ZZZ3: variants seen among roughly 807,000 people sequenced by gnomAD.
ZZZ3 encodes the protein zinc finger ZZ-type containing 3.
ZZZ3 carries 22 observed loss-of-function variants against 95.2 expected under a neutral mutation model. The ratio of observed to expected loss-of-function variants is 0.23; its 90% CI spans 0.17 to 0.33. ZZZ3 has a LOEUF of 0.33. Among genes scored for constraint, ZZZ3 ranks in the 10% least tolerant of loss-of-function variants. ZZZ3 has a pLI of 1.00. For synonymous variants in ZZZ3, 335 were observed against 358.9 expected, an observed-to-expected ratio of 0.93 and a Z score of 0.75; for missense variants, 885 against 1,066.5, an observed-to-expected ratio of 0.83 and a Z score of 2.37.
At chr1:77,641,735 A>G in intron 1 of ZZZ3, 80 bp from the exon 2 acceptor site, 1 of 393,248 alleles carries the variant, frequency 2.5e-6, no homozygotes, top group East Asian at 3.6e-5. Flanking sequence ...TAATATTTCC[A>G]AACACTTATA....
intron 1 of ZZZ3, among the ~76,000 whole-genome samples, chr1:77,642,576 T>C (rs1368260443): frequency 8.2e-6 from 1 of 121,398 alleles, no homozygotes; most frequent in African/African-American, 3.3e-5. Flanking sequence ...AGCCCTCTTC[T>C]CTAAACAAAA....
At chr1:77,637,603 G>A (rs1393461580) in intron 4 of ZZZ3, among the ~76,000 whole-genome samples, 1 of 152,150 alleles carries the variant, frequency 6.6e-6, no homozygotes, top group Non-Finnish European at 1.5e-5. Context: ...TGAGGCAAGA[G>A]GATCACTTGA....
intron 6 of ZZZ3, among the ~76,000 whole-genome samples, chr1:77,583,428 G>A (rs896549267): frequency 1.3e-5 from 2 of 151,700 alleles, no homozygotes; most frequent in Non-Finnish European, 2.9e-5. Flanking sequence ...CACTTAAAGG[G>A]GCCTCATTTT....
intron 5 of ZZZ3, among the ~76,000 whole-genome samples, chr1:77,622,940 G>C (rs866010505): frequency 6.6e-6 from 1 of 152,176 alleles, no homozygotes; most frequent in Non-Finnish European, 1.5e-5. Flanking sequence ...GCTTGGGTTT[G>C]AGTATTATAG....
chr1:77,646,243 A>G (rs1669259791), intron 1 of ZZZ3, among the ~76,000 whole-genome samples: 1 of 151,904 alleles, frequency 6.6e-6, no homozygotes, highest in Admixed American at 6.6e-5. Context: ...CTTTTGAGAC[A>G]GGGTCTCACT....
intron 5 of ZZZ3, among the ~76,000 whole-genome samples, chr1:77,599,372 T>C (rs1420123608): frequency 2.0e-5 from 3 of 152,056 alleles, no homozygotes; most frequent in Non-Finnish European, 4.4e-5. Context: ...TTAGTTATGA[T>C]TACATATGTA....
chr1:77,622,289 A>T (rs929915652), intron 5 of ZZZ3, among the ~76,000 whole-genome samples: 5 of 151,790 alleles, frequency 3.3e-5, no homozygotes, highest in Admixed American at 6.6e-5. Context: ...CCTGGGTGAC[A>T]GAGTGAGAAC....
At chr1:77,615,357 G>A (rs1666208046) in intron 5 of ZZZ3, among the ~76,000 whole-genome samples, 1 of 152,204 alleles carries the variant, frequency 6.6e-6, no homozygotes, top group Admixed American at 6.5e-5. Flanking sequence ...CTTTAAACAA[G>A]TATGACAACG....
intron 1 of ZZZ3, among the ~76,000 whole-genome samples, chr1:77,642,520 G>GCCAAGA (rs1479724524): frequency 2.6e-5 from 4 of 151,808 alleles, no homozygotes; most frequent in African/African-American, 9.7e-5. Flanking sequence ...AAGACAGGAG[G>GCCAAGA]ATCCCTTGAG....
chr1:77,602,408 G>T (rs1664816485), intron 5 of ZZZ3, among the ~76,000 whole-genome samples: 1 of 152,088 alleles, frequency 6.6e-6, no homozygotes, highest in Non-Finnish European at 1.5e-5. Context: ...GTGCATATTT[G>T]TTTGATTGAT....
chr1:77,576,277 A>T (rs1661930271), intron 11 of ZZZ3, 57 bp from the exon 12 acceptor site: 1 of 1,367,718 alleles, frequency 7.3e-7, no homozygotes, highest in East Asian at 2.4e-5. Context: ...CAAGAATCAA[A>T]AATATAAAAA....
At chr1:77,639,724 A>C (rs1269370567) in intron 3 of ZZZ3, 122 bp from the exon 4 acceptor site, 2 of 317,178 alleles carry the variant, frequency 6.3e-6, no homozygotes, top group Non-Finnish European at 1.1e-5. Flanking sequence ...GACATCTTTC[A>C]TGCTTCTCGG....
At chr1:77,664,439 G>A (rs1671083666) in intron 1 of ZZZ3, among the ~76,000 whole-genome samples, 1 of 152,128 alleles carries the variant, frequency 6.6e-6, no homozygotes, top group African/African-American at 2.4e-5. Flanking sequence ...TGTATAGTTT[G>A]ATATATCTAT....
Position 77,633,531 on chromosome 1 carries a change from C to T in ZZZ3, c.-51-126G>A, listed in dbSNP as rs1216304787. ...TTACAGTCTATAACTATCTATATAA[C>T]TGCCAATATTAAATTATGTGATAAA... On this transcript the variant is annotated intron_variant, in intron 4 of 14. Coordinates refer to ENST00000370801, the MANE Select transcript of ZZZ3 (RefSeq NM_015534.6). The T allele has an allele frequency of 1.1e-5, 6 of 526,776 alleles. No individual in the cohort carries two copies. In the Admixed American group the frequency reaches 1.9e-4, roughly 16 times the overall value. The allele number at this position is 526,776 out of a possible 1,614,324, so 32.6% of individuals were successfully genotyped here. A position where few individuals can be genotyped will look rare whatever the true frequency, so the allele number is the denominator to read the frequency against.
At chr1:77,660,376 T>C (rs1348071331) in intron 1 of ZZZ3, among the ~76,000 whole-genome samples, 1 of 152,174 alleles carries the variant, frequency 6.6e-6, no homozygotes, top group Non-Finnish European at 1.5e-5. Context: ...AAACATTAAC[T>C]CCGCATATCC....
At chr1:77,659,644 C>T (rs1469934398) in intron 1 of ZZZ3, among the ~76,000 whole-genome samples, 11 of 146,002 alleles carry the variant, frequency 7.5e-5, no homozygotes, top group Non-Finnish European at 4.5e-5. Flanking sequence ...GATCACGCCA[C>T]GGCACTCCAG....
At chr1:77,655,502 T>TA (rs1274057964) in intron 1 of ZZZ3, among the ~76,000 whole-genome samples, 2 of 152,192 alleles carry the variant, frequency 1.3e-5, no homozygotes, top group Non-Finnish European at 2.9e-5. Flanking sequence ...TGCCAACACT[T>TA]AATCTGCCCT....
chr1:77,661,787 CT>C (rs1322828811), intron 1 of ZZZ3, among the ~76,000 whole-genome samples: 1 of 152,124 alleles, frequency 6.6e-6, no homozygotes, highest in African/African-American at 2.4e-5. Context: ...CCCTTTTCAT[CT>C]CTTGATTATA....
At chr1:77,572,591 G>A (rs895000584) in intron 12 of ZZZ3, among the ~76,000 whole-genome samples, 14 of 151,822 alleles carry the variant, frequency 9.2e-5, no homozygotes, top group African/African-American at 3.4e-4. Context: ...ATCTGCCTCG[G>A]CCTCCCAAAA....
Sources: gnomAD v4.1 joint callset for allele counts (sites outside exome capture counted in the v4.1 genomes callset) on GRCh38, gnomAD v4.1.1 for gene constraint, MANE v1.5 for transcripts, NCBI Gene and HGNC (gene_info 2026-07-23, HGNC 2026-07-21) for gene names.